ACVR1: variants seen among roughly 807,000 people sequenced by gnomAD.
ACVR1 encodes activin receptor type-1.
Under a neutral mutation model 57.1 loss-of-function variants are expected in ACVR1, and 38 were observed. The observed-to-expected ratio is 0.67, with a 90% CI of 0.51 to 0.87. ACVR1 has a LOEUF of 0.87. ACVR1 is among the 40% of genes least tolerant of loss of function. The pLI is 0.00. For synonymous variants in ACVR1, 212 were observed against 228.1 expected, an observed-to-expected ratio of 0.93 and a Z score of 0.63; for missense variants, 463 against 638.2, an observed-to-expected ratio of 0.73 and a Z score of 2.96.
chr2:157,865,772 G>C (rs1689897935), intron 1 of ACVR1, among the ~76,000 whole-genome samples: 1 of 130,850 alleles, frequency 7.6e-6, no homozygotes, highest in African/African-American at 2.7e-5. Flanking sequence ...TCCAGCCCGG[G>C]CAAAAAGAGG....
chr2:157,769,238 G>C (rs190770956), intron 7 of ACVR1, among the ~76,000 whole-genome samples: 1 of 152,152 alleles, frequency 6.6e-6, no homozygotes. Context: ...TGATTCCTGG[G>C]AGCCCCAAAC....
intron 1 of ACVR1, among the ~76,000 whole-genome samples, chr2:157,872,647 G>A (rs1304807138): frequency 6.6e-6 from 1 of 152,114 alleles, no homozygotes; most frequent in African/African-American, 2.4e-5. Flanking sequence ...GGGTCTTATC[G>A]ATCAGCCAGT....
chr2:157,833,392 A>AGT (rs1309220747), intron 1 of ACVR1, among the ~76,000 whole-genome samples: 1 of 152,224 alleles, frequency 6.6e-6, no homozygotes, highest in East Asian at 1.9e-4. Flanking sequence ...GTACATTAAA[A>AGT]GTGCCTAAGA....
In ACVR1 at chr2:157,780,251, A is replaced by G. The variant is rs1686452950; in HGVS notation, c.331+86T>C. 4.4e-6 allele frequency: 7 copies of G among 1,585,320 alleles called. No homozygotes were observed. In the South Asian group the frequency reaches 6.7e-5, roughly 15 times the overall value. On this transcript the variant is annotated intron_variant, in intron 4 of 10. Coordinates refer to ENST00000434821, the MANE Select transcript of ACVR1 (RefSeq NM_001111067.4). ...ATTCAAAATGTAGGTGGAATGCCTC[A>G]TAGCTACTTAGATCTTTAACCCACA...
Position 157,737,297 on chromosome 2 carries a change from A to T in ACVR1, c.*234T>A. On this transcript the variant is annotated 3_prime_UTR_variant, in exon 11 of 11. Coordinates refer to ENST00000434821, the MANE Select transcript of ACVR1 (RefSeq NM_001111067.4). The stretch of plus-strand genomic sequence containing the variant: ...TTTGCAACAGTGTCTGTCCAACATT[A>T]GTCTCTGCAGTGTGAACAGTTCGTG... 1.7e-6 allele frequency: 1 copy of T among 588,992 alleles called. No homozygotes were observed. Among genetic ancestry groups the T allele is most frequent in the Non-Finnish European group, 3.1e-6 (1 of 327,342 alleles). The allele number at this position is 588,992 out of a possible 1,614,324, so 36.5% of individuals were successfully genotyped here. A position where few individuals can be genotyped will look rare whatever the true frequency, so the allele number is the denominator to read the frequency against.
intron 9 of ACVR1, among the ~76,000 whole-genome samples, chr2:157,741,229 G>C (rs1684747583): frequency 6.6e-6 from 1 of 152,042 alleles, no homozygotes. Context: ...ACCTTGAAAG[G>C]CAAAACTATA....
chr2:157,765,602 A>G (rs1350343194), intron 8 of ACVR1, among the ~76,000 whole-genome samples: 4 of 152,268 alleles, frequency 2.6e-5, no homozygotes, highest in African/African-American at 7.2e-5. Context: ...ATTCTTGTCA[A>G]TGATATACTA....
chr2:157,824,965 C>T (rs1195229269), intron 1 of ACVR1, among the ~76,000 whole-genome samples: 2 of 152,248 alleles, frequency 1.3e-5, no homozygotes, highest in Non-Finnish European at 1.5e-5. Context: ...AGGCTGGTCT[C>T]GAACTCCTGA....
At chr2:157,816,720 G>A in intron 2 of ACVR1, among the ~76,000 whole-genome samples, 1 of 152,070 alleles carries the variant, frequency 6.6e-6, no homozygotes, top group East Asian at 1.9e-4. Flanking sequence ...TAAATCTAAG[G>A]AGGCTGCACA....
intron 9 of ACVR1, among the ~76,000 whole-genome samples, chr2:157,748,999 G>A (rs1293452359): frequency 6.6e-6 from 1 of 152,218 alleles, no homozygotes; most frequent in Non-Finnish European, 1.5e-5. Flanking sequence ...AGGCTAAAAT[G>A]TAAAGCATCT....
At chr2:157,763,988 C>A (rs1685760728) in intron 8 of ACVR1, among the ~76,000 whole-genome samples, 1 of 152,164 alleles carries the variant, frequency 6.6e-6, no homozygotes, top group Non-Finnish European at 1.5e-5. Context: ...CCCCTCAACT[C>A]CTTCCCTACC....
chr2:157,770,597 T>A, intron 6 of ACVR1, 83 bp from the exon 7 acceptor site: 2 of 1,363,128 alleles, frequency 1.5e-6, no homozygotes, highest in Admixed American at 1.7e-5. Flanking sequence ...ATTAATTTAG[T>A]GCATGCAACT....
chr2:157,787,642 GC>G (rs1431721663), intron 3 of ACVR1, among the ~76,000 whole-genome samples: 1 of 152,188 alleles, frequency 6.6e-6, no homozygotes, highest in Non-Finnish European at 1.5e-5. Context: ...CAGGCTGGAA[GC>G]TCTGTTCGCG....
intron 9 of ACVR1, among the ~76,000 whole-genome samples, chr2:157,753,463 G>C (rs1025383902): frequency 2.0e-5 from 3 of 152,146 alleles, no homozygotes; most frequent in Non-Finnish European, 4.4e-5. Flanking sequence ...GGGAGGTGGA[G>C]GTTGCAGTGA....
At chr2:157,863,923 C>T (rs1199992804) in intron 1 of ACVR1, among the ~76,000 whole-genome samples, 1 of 146,418 alleles carries the variant, frequency 6.8e-6, no homozygotes. Context: ...GTTGGAGTGC[C>T]ATCTCGGCTC....
At chr2:157,817,039 A>G (rs773515377) in intron 2 of ACVR1, among the ~76,000 whole-genome samples, 2 of 152,018 alleles carry the variant, frequency 1.3e-5, no homozygotes, top group African/African-American at 2.4e-5. Context: ...GGCTCATTGA[A>G]GCCTCAACTT....
At chr2:157,864,164 G>A (rs1181513150) in intron 1 of ACVR1, among the ~76,000 whole-genome samples, 2 of 151,814 alleles carry the variant, frequency 1.3e-5, no homozygotes, top group Non-Finnish European at 2.9e-5. Context: ...GCCCTGCCTT[G>A]CAGGAGCAAA....
At chr2:157,869,236 C>T (rs1040906693) in intron 1 of ACVR1, among the ~76,000 whole-genome samples, 1 of 152,170 alleles carries the variant, frequency 6.6e-6, no homozygotes, top group Non-Finnish European at 1.5e-5. Flanking sequence ...GTATTACTCA[C>T]TTTAATCTGA....
intron 1 of ACVR1, among the ~76,000 whole-genome samples, chr2:157,869,932 A>C (rs1293748516): frequency 6.6e-6 from 1 of 152,202 alleles, no homozygotes; most frequent in African/African-American, 2.4e-5. Flanking sequence ...AAGACAAGGG[A>C]TATTCATCCC....
Sources: allele counts gnomAD v4.1 joint callset (sites outside exome capture counted in the v4.1 genomes callset), GRCh38; gene constraint gnomAD v4.1.1; transcripts MANE v1.5; gene names NCBI Gene and HGNC (gene_info 2026-07-23, HGNC 2026-07-21).